SLC35F3: variants seen among roughly 807,000 people sequenced by gnomAD.
SLC35F3 encodes solute carrier family 35 member F3.
SLC35F3 carries 25 observed loss-of-function variants against 49.9 expected under a neutral mutation model. That is an observed-to-expected ratio of 0.50 (90% CI 0.37 to 0.70). The LOEUF (loss-of-function observed/expected upper bound fraction) is 0.70, where lower values mean the gene tolerates loss of function less well. Among genes scored for constraint, SLC35F3 ranks in the 30% least tolerant of loss-of-function variants. SLC35F3 has a pLI of 0.00. For synonymous variants in SLC35F3, 275 were observed against 265.4 expected (o/e 1.04, Z -0.35); for missense variants, 525 against 639.8 (o/e 0.82, Z 1.94).
intron 2 of SLC35F3, among the ~76,000 whole-genome samples, chr1:233,938,594 G>A (rs796603917): frequency 5.3e-5 from 8 of 152,162 alleles, no homozygotes; most frequent in African/African-American, 1.2e-4. Flanking sequence ...GTGAGAAGAC[G>A]AAGAGCTAAC....
intron 2 of SLC35F3, among the ~76,000 whole-genome samples, chr1:233,936,516 TCTC>T (rs67883909): frequency 0.43 from 64,172 of 150,884 alleles, 14,681 homozygotes; most frequent in Non-Finnish European, 0.52. Context: ...ACCTTCTTGT[TCTC>T]CTCCTCCTCC....
chr1:234,161,706 T>A (rs972436823), intron 2 of SLC35F3, among the ~76,000 whole-genome samples: 1 of 152,272 alleles, frequency 6.6e-6, no homozygotes, highest in East Asian at 1.9e-4. Flanking sequence ...CTAAGGAGGC[T>A]GAGGTGGGAG....
chr1:234,017,251 A>G (rs553664618), intron 2 of SLC35F3, among the ~76,000 whole-genome samples: 15 of 152,276 alleles, frequency 9.9e-5, no homozygotes, highest in African/African-American at 3.1e-4. Flanking sequence ...AGAAATAATA[A>G]TTCTCATTAT....
chr1:234,150,038 A>G (rs1299602030), intron 2 of SLC35F3, among the ~76,000 whole-genome samples: 2 of 152,228 alleles, frequency 1.3e-5, no homozygotes, highest in Non-Finnish European at 2.9e-5. Context: ...ATTCCCACAC[A>G]TCCTTATCCC....
At chr1:234,273,521 G>A (rs1668144681) in intron 3 of SLC35F3, among the ~76,000 whole-genome samples, 1 of 152,168 alleles carries the variant, frequency 6.6e-6, no homozygotes, top group South Asian at 2.1e-4. Flanking sequence ...AGCACATCCT[G>A]CTATCACAAA....
chr1:234,299,686 T>C (rs569105732), intron 3 of SLC35F3, among the ~76,000 whole-genome samples: 1 of 151,574 alleles, frequency 6.6e-6, no homozygotes, highest in South Asian at 2.1e-4. Flanking sequence ...GCGCCTGTAG[T>C]CCCACCAACT....
In SLC35F3 at chr1:234,300,617, G is replaced by A. The variant is rs148897504; in HGVS notation, c.609-8484G>A. ...ACAATAAAGTGCAATTACAATAAGGGTCCTGTACACTATGATGAGGAAGAC... is the reference window on the plus strand; with the variant it reads ...ACAATAAAGTGCAATTACAATAAGGATCCTGTACACTATGATGAGGAAGAC... On this transcript the variant is annotated intron_variant, in intron 3 of 7. Transcript: ENST00000366618. Among the ~76,000 whole-genome samples, 374 of 152,320 alleles carry A rather than the reference G, an allele frequency of 2.5e-3. 3 individuals are homozygous for A. The South Asian group carries it at 0.037, about 15-fold the overall frequency.
chr1:234,323,484 G>T lies in SLC35F3; in HGVS notation c.*241G>T, dbSNP rs932758001. The stretch of plus-strand genomic sequence containing the variant: ...AGTGCTTTTCCAACGAATGTAAAGT[G>T]GGTTTAAAAGTTCCCTGCGTAGATC... On this transcript the variant is annotated 3_prime_UTR_variant, in exon 8 of 8. Coordinates refer to ENST00000366618, the MANE Select transcript of SLC35F3 (RefSeq NM_173508.4). This position sits in a 1 kb window ranked among gnomAD's most constrained non-coding sequence, Gnocchi z 4.5. 1.9e-6 allele frequency: 1 copy of T among 539,632 alleles called. No individual in the cohort carries two copies. Among genetic ancestry groups the T allele is most frequent in the African/African-American group, 1.9e-5 (1 of 52,934 alleles). The allele number at this position is 539,632 out of a possible 1,614,324, so 33.4% of individuals were successfully genotyped here.
chr1:234,234,704 T>G (rs1373721554), intron 3 of SLC35F3, among the ~76,000 whole-genome samples: 1 of 152,106 alleles, frequency 6.6e-6, no homozygotes, highest in African/African-American at 2.4e-5. Flanking sequence ...GTTCGAGCCC[T>G]GGTCCTCTTC....
intron 2 of SLC35F3, among the ~76,000 whole-genome samples, chr1:234,229,173 A>T (rs1304263858): frequency 6.6e-6 from 1 of 152,240 alleles, no homozygotes; most frequent in Admixed American, 6.5e-5. Flanking sequence ...TTCCTACAGC[A>T]AAGGAACCTG....
chr1:234,117,600 A>T (rs1369585128), intron 2 of SLC35F3, among the ~76,000 whole-genome samples: 1 of 146,142 alleles, frequency 6.8e-6, no homozygotes, highest in Non-Finnish European at 1.5e-5. Flanking sequence ...TAAAAAAAAA[A>T]AACAGGCTGG....
chr1:234,311,610 G>A (rs1178655298), intron 4 of SLC35F3, among the ~76,000 whole-genome samples: 1 of 152,236 alleles, frequency 6.6e-6, no homozygotes, highest in Non-Finnish European at 1.5e-5. Context: ...GAAGTCATGT[G>A]CGCAGATCCA....
chr1:234,017,106 C>A (rs1663812250), intron 2 of SLC35F3, among the ~76,000 whole-genome samples: 2 of 152,202 alleles, frequency 1.3e-5, no homozygotes, highest in Admixed American at 1.3e-4. Context: ...GTGTCCAGTA[C>A]AATCAGTTCT....
At chr1:234,094,376 T>C (rs2102878786) in intron 2 of SLC35F3, among the ~76,000 whole-genome samples, 1 of 152,364 alleles carries the variant, frequency 6.6e-6, no homozygotes, top group South Asian at 2.1e-4. Flanking sequence ...CAATGAATTA[T>C]CTTAAGTTCA....
At chr1:234,149,834 AAG>A (rs1415699666) in intron 2 of SLC35F3, among the ~76,000 whole-genome samples, 1 of 152,236 alleles carries the variant, frequency 6.6e-6, no homozygotes, top group African/African-American at 2.4e-5. Flanking sequence ...AAATGTAAAT[AAG>A]AAAATGCTTT....
At chr1:234,070,378 C>T (rs1305137160) in intron 2 of SLC35F3, among the ~76,000 whole-genome samples, 1 of 152,180 alleles carries the variant, frequency 6.6e-6, no homozygotes, top group Non-Finnish European at 1.5e-5. Context: ...GTTTTTATGC[C>T]TTCATTTCCC....
intron 2 of SLC35F3, among the ~76,000 whole-genome samples, chr1:233,969,668 G>T (rs772479280): frequency 2.0e-5 from 3 of 152,200 alleles, no homozygotes; most frequent in Non-Finnish European, 2.9e-5. Flanking sequence ...GTGTTGGAAG[G>T]CATGGCTCGT....
At chr1:233,918,794 CTCTT>C (rs1287215705) in intron 2 of SLC35F3, among the ~76,000 whole-genome samples, 1 of 64,498 alleles carries the variant, frequency 1.6e-5, no homozygotes, top group East Asian at 8.5e-4. Flanking sequence ...CTCTCTCTCT[CTCTT>C]TCTCTCTCTC....
At chr1:234,148,698 A>G (rs6681134) in intron 2 of SLC35F3, among the ~76,000 whole-genome samples, 10,504 of 152,288 alleles carry the variant, frequency 0.069, 591 homozygotes, top group African/African-American at 0.14. Context: ...TGGTTTGACA[A>G]AAACGAAAGC....
Sources: gnomAD v4.1 joint callset for allele counts (sites outside exome capture counted in the v4.1 genomes callset) on GRCh38, gnomAD v4.1.1 for gene constraint, Gnocchi (gnomAD v3.1) non-coding constraint, MANE v1.5 for transcripts, NCBI Gene and HGNC (gene_info 2026-07-23, HGNC 2026-07-21) for gene names.